The following WDR7 variants were observed in gnomAD, a reference collection of about 807,000 sequenced individuals.
WDR7 encodes WD repeat-containing protein 7.
WDR7 carries 46 observed loss-of-function variants against 169.4 expected under a neutral mutation model. That is an observed-to-expected ratio of 0.27 (90% CI 0.21 to 0.35). The LOEUF (loss-of-function observed/expected upper bound fraction) is 0.35. WDR7 is among the 10% of genes least tolerant of loss of function. The pLI is 1.00. For missense variants in WDR7, 1,534 were observed against 1,859.3 expected, an observed-to-expected ratio of 0.83 and a Z score of 3.22; for synonymous variants, 612 against 666.8, an observed-to-expected ratio of 0.92 and a Z score of 1.27.
At chr18:56,944,207 T>C (rs2047071695) in intron 25 of WDR7, among the ~76,000 whole-genome samples, 1 of 151,932 alleles carries the variant, frequency 6.6e-6, no homozygotes, top group Non-Finnish European at 1.5e-5. Context: ...TTGGCCAGGA[T>C]GGTGTTGATC....
intron 21 of WDR7, among the ~76,000 whole-genome samples, chr18:56,916,619 G>T (rs2046629898): frequency 6.6e-6 from 1 of 152,040 alleles, no homozygotes; most frequent in Non-Finnish European, 1.5e-5. Flanking sequence ...TGCCATTTCT[G>T]CACAAATGGA....
At chr18:56,794,304 A>ATTTTTATTTTTTTTTT (rs2044543880) in intron 19 of WDR7, among the ~76,000 whole-genome samples, 1 of 49,466 alleles carries the variant, frequency 2.0e-5, no homozygotes, top group Non-Finnish European at 3.8e-5. Context: ...GGTAAAGTCT[A>ATTTTTATTTTTTTTTT]TTTTTTTTTT....
chr18:56,771,447 C>T (rs910882625), intron 16 of WDR7, among the ~76,000 whole-genome samples: 14 of 151,808 alleles, frequency 9.2e-5, no homozygotes, highest in African/African-American at 3.1e-4. Flanking sequence ...AAAGGTGGAG[C>T]GTGGTGGCTC....
At chr18:56,654,332 A>G (rs923439422) in intron 1 of WDR7, among the ~76,000 whole-genome samples, 11 of 152,070 alleles carry the variant, frequency 7.2e-5, no homozygotes, top group Admixed American at 6.6e-4. Flanking sequence ...GAGTTTCACT[A>G]TGTTGGCCAG....
intron 22 of WDR7, among the ~76,000 whole-genome samples, chr18:56,925,086 C>A (rs1230572067): frequency 6.6e-6 from 1 of 152,200 alleles, no homozygotes; most frequent in Non-Finnish European, 1.5e-5. Context: ...AAGGTCCATT[C>A]ATGTTGTGGC....
the WDR7 span, chr18:57,034,968 T>G: frequency 6.6e-6 from 1 of 152,074 alleles, no homozygotes; most frequent in Non-Finnish European, 1.5e-5. Flanking sequence ...CTGACAGAGG[T>G]GAACGGGGTT....
intron 20 of WDR7, among the ~76,000 whole-genome samples, chr18:56,852,817 A>G (rs2145373925): frequency 6.6e-6 from 1 of 152,312 alleles, no homozygotes; most frequent in South Asian, 2.1e-4. Context: ...AAATAAAAAT[A>G]TATACATACT....
chr18:56,944,500 A>G (rs2047077161), intron 25 of WDR7, among the ~76,000 whole-genome samples: 1 of 152,222 alleles, frequency 6.6e-6, no homozygotes, highest in African/African-American at 2.4e-5. Context: ...TCAGTCACCA[A>G]ATTACAATGT....
At position 57,027,049 on chromosome 18, in the gene WDR7, C is replaced by A; in HGVS notation, c.4315C>A (p.Pro1439Thr). Residue 1439 changes from proline (P) to threonine (T), a missense_variant, in exon 28 of 28, where the codon CCT becomes ACT. Physicochemically the swap from Pro to Thr is conservative, Grantham distance 38. Coordinates refer to ENST00000254442, the MANE Select transcript of WDR7 (RefSeq NM_015285.3). Reference protein sequence around the residue: ...LGSIGMLNSAPQLRCIKTYQV... With the variant: ...LGSIGMLNSATQLRCIKTYQV... ...AAGCATCGGCATGCTGAACTCGGCA[C>A]CTCAGCTGCGCTGCATTAAAACCTA... 1 of 1,614,154 alleles carries A rather than the reference C, an allele frequency of 6.2e-7. No individual in the cohort carries two copies. Among genetic ancestry groups the A allele is most frequent in the East Asian group, 2.2e-5 (1 of 44,876 alleles).
Position 56,938,676 on chromosome 18 carries a change from C to T in WDR7, c.3975C>T (p.Leu1325=), listed in dbSNP as rs753153722. The change falls in exon 24 of 28, where the codon CTC becomes CTT. Residue 1325 remains leucine (L), a synonymous_variant. Transcript: ENST00000254442. ...TGCCCACAGATGTTGTGGATCTTCT[C>T]GTGGAGGTAAGAATATCCTGTTTTA... ...EKMPTDVVDL[L]VEVMDIIMYC... is the part of the protein sequence containing the mutation. 3.0e-5 allele frequency: 48 copies of T among 1,613,216 alleles called. No homozygotes were observed. The highest frequency in any genetic ancestry group is 8.9e-5 in the East Asian group (4 of 44,848).
At chr18:56,763,629 C>T in intron 16 of WDR7, among the ~76,000 whole-genome samples, 1 of 152,222 alleles carries the variant, frequency 6.6e-6, no homozygotes, top group East Asian at 1.9e-4. Flanking sequence ...GGAAGTAGCC[C>T]CTTTCCCTGT....
Position 56,938,596 on chromosome 18 carries a change from C to T in WDR7, c.3895C>T (p.Leu1299Phe). ...QSQQNMHTTTLARAKGEILRV... is the reference protein window; with the variant it reads ...QSQQNMHTTTFARAKGEILRV... The stretch of plus-strand genomic sequence containing the variant: ...ACAGCAGAATATGCACACAACAACT[C>T]TTGCACGAGCTAAAGGGGAAATTTT... Residue 1299 changes from leucine (L) to phenylalanine (F), a missense_variant, in exon 24 of 28, where the codon CTT (leucine) becomes TTT (phenylalanine). Transcript: ENST00000254442. The T allele has an allele frequency of 6.2e-7, 1 of 1,613,888 alleles. No individual in the cohort carries two copies. The highest frequency in any genetic ancestry group is 1.1e-5 in the South Asian group (1 of 91,034).
At chr18:56,831,585 C>T (rs924383732) in intron 20 of WDR7, among the ~76,000 whole-genome samples, 5 of 152,096 alleles carry the variant, frequency 3.3e-5, no homozygotes, top group Admixed American at 1.3e-4. Context: ...CAGCTCCCAG[C>T]GAGACCAACC....
At chr18:56,787,053 A>C (rs528321920) in intron 19 of WDR7, among the ~76,000 whole-genome samples, 95 of 152,162 alleles carry the variant, frequency 6.2e-4, no homozygotes, top group Non-Finnish European at 1.0e-3. Flanking sequence ...ATTTATTTTG[A>C]AGTGAAGCTG....
chr18:56,990,271 A>T (rs2047791842), intron 26 of WDR7, among the ~76,000 whole-genome samples: 1 of 152,224 alleles, frequency 6.6e-6, no homozygotes, highest in South Asian at 2.1e-4. Flanking sequence ...GGTGAGTGGC[A>T]GTAGAAGCTG....
chr18:56,955,796 T>A (rs2047242830), intron 25 of WDR7, among the ~76,000 whole-genome samples: 1 of 152,164 alleles, frequency 6.6e-6, no homozygotes, highest in Admixed American at 6.5e-5. Flanking sequence ...AATACTTTAA[T>A]AAGTACCATT....
At chr18:56,674,326 A>G (rs1384907823) in intron 2 of WDR7, among the ~76,000 whole-genome samples, 3 of 152,038 alleles carry the variant, frequency 2.0e-5, no homozygotes, top group Non-Finnish European at 4.4e-5. Context: ...TTCTAGCCCG[A>G]ATTTTGTGTG....
At chr18:56,959,289 G>A (rs1408910668) in intron 25 of WDR7, among the ~76,000 whole-genome samples, 5 of 152,132 alleles carry the variant, frequency 3.3e-5, no homozygotes, top group African/African-American at 9.7e-5. Context: ...TGAACAGAAG[G>A]GAGGTGATTT....
intron 14 of WDR7, among the ~76,000 whole-genome samples, chr18:56,745,728 A>G (rs1265236154): frequency 2.0e-5 from 3 of 152,188 alleles, no homozygotes; most frequent in Non-Finnish European, 4.4e-5. Context: ...AATTAGTCAC[A>G]TGCTAATTTA....
Sources: allele counts gnomAD v4.1 joint callset (sites outside exome capture counted in the v4.1 genomes callset), GRCh38; gene constraint gnomAD v4.1.1; transcripts MANE v1.5; gene names NCBI Gene and HGNC (gene_info 2026-07-23, HGNC 2026-07-21).